The following TTC1 variants were observed in gnomAD, a reference collection of about 807,000 sequenced individuals.
The protein encoded by TTC1 is tetratricopeptide repeat domain 1.
In TTC1, 31 loss-of-function variants were observed where a neutral mutation model predicts 37.6. The ratio of observed to expected loss-of-function variants is 0.82; its 90% CI spans 0.62 to 1.11. The LOEUF (loss-of-function observed/expected upper bound fraction) is 1.11. TTC1 is among the 50% of genes most tolerant of loss of function. TTC1 has a pLI of 0.00. For synonymous variants in TTC1, 127 were observed against 122.4 expected (o/e 1.04, Z -0.25); for missense variants, 351 against 339.0 (o/e 1.04, Z -0.28).
At chr5:160,044,807 A>C (rs972366450) in intron 5 of TTC1, among the ~76,000 whole-genome samples, 8 of 152,160 alleles carry the variant, frequency 5.3e-5, no homozygotes, top group Admixed American at 3.9e-4. Context: ...AGTAGGTCTC[A>C]GCCTTATTTT....
chr5:160,061,758 T>A (rs1434721168), intron 7 of TTC1: 1 of 152,158 alleles, frequency 6.6e-6, no homozygotes, highest in African/African-American at 2.4e-5. Context: ...TAATTATCTA[T>A]GTGTTAGTTT....
chr5:160,014,332 T>C (rs1487354604), intron 2 of TTC1, among the ~76,000 whole-genome samples: 1 of 151,596 alleles, frequency 6.6e-6, no homozygotes, highest in Non-Finnish European at 1.5e-5. Context: ...CACTCCAGCC[T>C]GGGAGACAAG....
rs1756486815 is a variant in TTC1, at chr5:160,010,720, T to C, written c.192T>C (p.His64=). The change falls in exon 2 of 8, where the codon CAT becomes CAC. Residue 64 remains histidine (H), a synonymous_variant. Transcript: ENST00000231238. The part of the protein sequence containing the change: ...QEDQGEEECF[H]DCSASFEEEP... ...ACCAGGGAGAAGAGGAGTGTTTTCATGACTGCAGTGCCTCATTTGAGGAGG... is the reference window on the plus strand; with the variant it reads ...ACCAGGGAGAAGAGGAGTGTTTTCACGACTGCAGTGCCTCATTTGAGGAGG... The C allele has an allele frequency of 1.9e-6, 3 of 1,613,836 alleles. No homozygotes were observed. The African/African-American group carries it at 4.0e-5, about 22-fold the overall frequency.
chr5:160,011,454 A>C (rs1188142798), intron 2 of TTC1, among the ~76,000 whole-genome samples: 3 of 152,242 alleles, frequency 2.0e-5, no homozygotes, highest in Admixed American at 6.5e-5. Context: ...TATGAGATAC[A>C]TACTGTTATT....
intron 7 of TTC1, among the ~76,000 whole-genome samples, chr5:160,054,668 A>C (rs1757496722): frequency 6.6e-6 from 1 of 152,134 alleles, no homozygotes; most frequent in Non-Finnish European, 1.5e-5. Flanking sequence ...AAAAAAAAAA[A>C]GTAGCGTTTT....
In TTC1 at chr5:160,045,485, C is replaced by T. The variant is rs934024331; in HGVS notation, c.541+2316C>T. ...ACACACACACACACACACACACACA[C>T]ACACACACACACACACACACACACA... On this transcript the variant is annotated intron_variant, in intron 5 of 7. Coordinates refer to ENST00000231238, the MANE Select transcript of TTC1 (RefSeq NM_003314.3). 1.4e-3 allele frequency among the ~76,000 whole-genome samples: 168 copies of T among 121,296 alleles called. 3 individuals are homozygous for T. Among genetic ancestry groups the T allele is most frequent in the African/African-American group, 4.6e-3 (140 of 30,422 alleles). The allele number at this position is 121,296 out of a possible 152,430, so 79.6% of individuals were successfully genotyped here. A position where few individuals can be genotyped will look rare whatever the true frequency, so the allele number is the denominator to read the frequency against.
chr5:160,045,929 G>A (rs1300803480), intron 5 of TTC1, among the ~76,000 whole-genome samples: 1 of 151,990 alleles, frequency 6.6e-6, no homozygotes, highest in Non-Finnish European at 1.5e-5. Context: ...TTTTGGTAGA[G>A]ACAGGGTTTC....
chr5:160,017,619 A>G (rs903480302), intron 2 of TTC1, among the ~76,000 whole-genome samples: 1 of 152,236 alleles, frequency 6.6e-6, no homozygotes, highest in Non-Finnish European at 1.5e-5. Flanking sequence ...TATTGATTCC[A>G]TAAGAAAATC....
intron 2 of TTC1, 117 bp from the exon 3 acceptor site, chr5:160,035,023 A>C (rs983295168): frequency 2.2e-5 from 17 of 755,794 alleles, no homozygotes; most frequent in Non-Finnish European, 3.1e-5. Flanking sequence ...AAACTGATGC[A>C]GTTCTCAAAA....
At chr5:160,058,845 G>A (rs1257465103) in intron 7 of TTC1, among the ~76,000 whole-genome samples, 1 of 152,176 alleles carries the variant, frequency 6.6e-6, no homozygotes, top group East Asian at 1.9e-4. Flanking sequence ...GCTCCTCAGT[G>A]ACCAGGCACA....
intron 7 of TTC1, among the ~76,000 whole-genome samples, chr5:160,052,595 A>C (rs188499662): frequency 7.5e-6 from 1 of 134,090 alleles, no homozygotes; most frequent in Non-Finnish European, 1.6e-5. Flanking sequence ...TTAGTATTTG[A>C]ATTTCTTGCT....
intron 5 of TTC1, among the ~76,000 whole-genome samples, chr5:160,043,960 T>C (rs542246678): frequency 2.0e-4 from 31 of 152,310 alleles, no homozygotes; most frequent in African/African-American, 7.5e-4. Context: ...TACAGTTTTT[T>C]TGTGTTTTGG....
chr5:160,037,603 C>G (rs1469892061), intron 4 of TTC1, among the ~76,000 whole-genome samples: 2 of 152,166 alleles, frequency 1.3e-5, no homozygotes, highest in African/African-American at 4.8e-5. Flanking sequence ...GTAATCCCAT[C>G]TACTCAAGAA....
At chr5:160,061,204 C>T (rs1010544619) in intron 7 of TTC1, among the ~76,000 whole-genome samples, 2 of 152,234 alleles carry the variant, frequency 1.3e-5, no homozygotes, top group Non-Finnish European at 2.9e-5. Flanking sequence ...CTTGCACGGA[C>T]AGCACCTCTG....
At position 160,046,134 on chromosome 5, in the gene TTC1, G is replaced by T. The variant is rs1224922665; in HGVS notation, c.541+2965G>T. Among the ~76,000 whole-genome samples, 3 of 152,098 alleles carry T rather than the reference G, an allele frequency of 2.0e-5. No homozygotes were observed. The East Asian group carries it at 5.8e-4, about 29-fold the overall frequency. On this transcript the variant is annotated intron_variant, in intron 5 of 7. Coordinates refer to ENST00000231238, the MANE Select transcript of TTC1 (RefSeq NM_003314.3). ...TCTGATCCCTTTCATTGAAATAATT[G>T]TCTATACTTGGCTGTCTCTACTTTG...
intron 4 of TTC1, among the ~76,000 whole-genome samples, chr5:160,038,409 A>C (rs1561631844): frequency 6.6e-6 from 1 of 152,200 alleles, no homozygotes; most frequent in Non-Finnish European, 1.5e-5. Flanking sequence ...TCAGTATCAG[A>C]GGAAATGCAC....
chr5:160,009,825 T>C (rs1756463951), intron 1 of TTC1, among the ~76,000 whole-genome samples: 1 of 152,186 alleles, frequency 6.6e-6, no homozygotes, highest in Non-Finnish European at 1.5e-5. Flanking sequence ...GAGTGGGCTC[T>C]ACCACACGCA....
intron 2 of TTC1, among the ~76,000 whole-genome samples, chr5:160,014,391 A>C (rs4640840): frequency 2.7e-5 from 4 of 149,850 alleles, no homozygotes; most frequent in African/African-American, 9.9e-5. Flanking sequence ...TGGGCCAGGC[A>C]TAGTGGCTCA....
rs143572011 is a variant in TTC1, at chr5:160,036,779, T to C, written c.480T>C (p.Asn160=). The change falls in exon 4 of 8, where the codon AAT becomes AAC. Residue 160 remains asparagine, a synonymous_variant. Transcript: ENST00000231238. The part of the protein sequence containing the change: ...FQKERSILFS[N]RAAARMKQDK... ...AGGAGAGGTCGATTCTATTTTCAAA[T>C]AGAGCTGCAGCAAGGATGAAACAGG... The C allele has an allele frequency of 2.9e-4, 475 of 1,613,702 alleles. No individual in the cohort carries two copies. Among genetic ancestry groups the C allele is most frequent in the Middle Eastern group, 6.6e-4 (4 of 6,062 alleles).
Sources: allele counts gnomAD v4.1 joint callset (sites outside exome capture counted in the v4.1 genomes callset), GRCh38; gene constraint gnomAD v4.1.1; transcripts MANE v1.5; gene names NCBI Gene and HGNC (gene_info 2026-07-23, HGNC 2026-07-21).